Variants in NUP107 observed in about 807,000 individuals in gnomAD.
NUP107 encodes the protein nuclear pore complex protein Nup107.
Under a neutral mutation model 141.0 loss-of-function variants are expected in NUP107, and 101 were observed. The observed-to-expected ratio is 0.72, with a 90% CI of 0.61 to 0.84. The LOEUF (loss-of-function observed/expected upper bound fraction) is 0.84, where lower values mean the gene tolerates loss of function less well. Among genes scored for constraint, NUP107 ranks in the 40% least tolerant of loss-of-function variants. The probability of loss-of-function intolerance (pLI) is 0.00; values close to 1 mark genes in which losing one functional copy is unlikely to be tolerated. For synonymous variants in NUP107, 319 were observed against 363.9 expected (o/e 0.88, Z 1.41); for missense variants, 941 against 1,102.7 (o/e 0.85, Z 2.08).
chr12:68,736,762 G>A (rs1050252151), intron 26 of NUP107, among the ~76,000 whole-genome samples: 3 of 119,454 alleles, frequency 2.5e-5, no homozygotes, highest in African/African-American at 6.5e-5. Flanking sequence ...TGCTCTTGTC[G>A]CCCAGGCTGG....
At position 68,696,813 on chromosome 12, in the gene NUP107, T is replaced by G; in HGVS notation, c.449-6T>G. ...TATTCCTTTTTTTTTTTTTGATGTG[T>G]TCTAGCATCCATGAGTATGTTTTCT... On this transcript the variant is annotated splice_region_variant and splice_polypyrimidine_tract_variant and intron_variant, in intron 5 of 27. Coordinates refer to ENST00000229179, the MANE Select transcript of NUP107 (RefSeq NM_020401.4). 1 of 1,530,226 alleles carries G rather than the reference T, an allele frequency of 6.5e-7. No homozygotes were observed. Among genetic ancestry groups the G allele is most frequent in the Non-Finnish European group, 8.9e-7 (1 of 1,120,626 alleles). 94.8% of individuals were successfully genotyped at this position (1,530,226 alleles called of 1,614,324 possible).
At chr12:68,698,121 A>T (rs1184715036) in intron 6 of NUP107, among the ~76,000 whole-genome samples, 2 of 152,056 alleles carry the variant, frequency 1.3e-5, no homozygotes, top group African/African-American at 4.8e-5. Flanking sequence ...TACCTATTAG[A>T]ATGATGAAGA....
In NUP107 at chr12:68,733,454, T is replaced by G. The variant is rs1283895160; in HGVS notation, c.2104T>G (p.Ser702Ala). The change falls in exon 24 of 28, where the codon TCA becomes GCA. Residue 702 changes from serine (S) to alanine (A), a missense_variant and splice_region_variant. By Grantham distance (99) the Ser-to-Ala change is moderately conservative. Transcript: ENST00000229179. ...AAATTGTGTATCTTTTTTCACAGCA[T>G]CAAAAAAGCACGAAGCTGCAAAAGA... is the stretch of plus-strand genomic sequence containing the variant. The part of the protein sequence containing the change: ...GNAIMRKFLA[S>A]KKHEAAKEVF... 1 of 1,607,744 alleles carries G rather than the reference T, an allele frequency of 6.2e-7. No individual in the cohort carries two copies. Among genetic ancestry groups the G allele is most frequent in the South Asian group, 1.1e-5 (1 of 90,064 alleles).
intron 3 of NUP107, 178 bp downstream of exon 3, chr12:68,689,797 A>G: frequency 1.9e-6 from 1 of 519,350 alleles, no homozygotes; most frequent in Non-Finnish European, 3.4e-6. Flanking sequence ...ACTTTCCATA[A>G]ACACACGGTA....
chr12:68,706,127 C>A (rs1245272647), intron 8 of NUP107: 3 of 767,028 alleles, frequency 3.9e-6, no homozygotes, highest in South Asian at 1.3e-5. Flanking sequence ...GGAGGTGGAA[C>A]TTGATAACAT....
At chr12:68,705,362 T>C (rs1234411311) in intron 8 of NUP107, among the ~76,000 whole-genome samples, 3 of 152,052 alleles carry the variant, frequency 2.0e-5, no homozygotes, top group Admixed American at 6.6e-5. Flanking sequence ...GGTTTTATTA[T>C]GTTAGTTAGA....
intron 10 of NUP107, 103 bp from the exon 11 acceptor site, chr12:68,713,627 G>A: frequency 2.5e-6 from 2 of 802,698 alleles, no homozygotes; most frequent in Non-Finnish European, 4.1e-6. Flanking sequence ...TGTTTTTACT[G>A]GGATTGTAGT....
At chr12:68,691,815 C>G (rs889058908) in intron 4 of NUP107, among the ~76,000 whole-genome samples, 153 bp from the exon 5 acceptor site, 1 of 144,414 alleles carries the variant, frequency 6.9e-6, no homozygotes, top group African/African-American at 2.6e-5. Context: ...GCCTGGGCAA[C>G]AGATCCAGAC....
intron 4 of NUP107, 109 bp from the exon 5 acceptor site, chr12:68,691,859 C>T (rs1240901465): frequency 1.3e-5 from 11 of 818,098 alleles, no homozygotes; most frequent in South Asian, 2.4e-5. Flanking sequence ...AAAAAAAAGA[C>T]GCATACATAC....
intron 26 of NUP107, among the ~76,000 whole-genome samples, chr12:68,737,307 G>C (rs1399486963): frequency 1.3e-5 from 2 of 152,148 alleles, no homozygotes; most frequent in Admixed American, 1.3e-4. Context: ...GCTCACGCCT[G>C]TACTCCTAGC....
At chr12:68,737,792 G>A (rs573277495) in intron 26 of NUP107, among the ~76,000 whole-genome samples, 27 of 152,190 alleles carry the variant, frequency 1.8e-4, no homozygotes, top group African/African-American at 6.3e-4. Flanking sequence ...AGTCAATGAC[G>A]TAGGGCATTG....
At chr12:68,707,718 A>G (rs1201540592) in intron 8 of NUP107, among the ~76,000 whole-genome samples, 1 of 152,252 alleles carries the variant, frequency 6.6e-6, no homozygotes, top group Non-Finnish European at 1.5e-5. Flanking sequence ...TAGATATTAT[A>G]CATAATCTAG....
intron 20 of NUP107, among the ~76,000 whole-genome samples, chr12:68,730,192 C>T: frequency 7.2e-6 from 1 of 139,802 alleles, no homozygotes; most frequent in East Asian, 2.2e-4. Context: ...TCTCAAACTC[C>T]TGCCCTCAGG....
intron 10 of NUP107, among the ~76,000 whole-genome samples, chr12:68,710,709 A>G (rs1398567905): frequency 2.0e-5 from 3 of 151,980 alleles, no homozygotes; most frequent in Non-Finnish European, 4.4e-5. Flanking sequence ...AAAAATAACA[A>G]GATAAAAAAA....
At chr12:68,717,300 G>A (rs531192380) in intron 12 of NUP107, among the ~76,000 whole-genome samples, 54 of 152,280 alleles carry the variant, frequency 3.5e-4, no homozygotes, top group African/African-American at 1.2e-3. Context: ...CAGATAGTGA[G>A]TGTTTTGTAT....
intron 10 of NUP107, 77 bp downstream of exon 10, chr12:68,710,170 G>A: frequency 1.3e-6 from 1 of 772,124 alleles, no homozygotes; most frequent in South Asian, 1.5e-5. Context: ...GTATTATTCA[G>A]TTTTTACTTT....
Position 68,737,210 on chromosome 12 carries a change from C to G in NUP107, c.2502+1866C>G, listed in dbSNP as rs530862520. ...TATTTATACATACATCTTTGCTATT[C>G]TAATTATTAATTAAGTAGATTAGGT... On this transcript the variant is annotated intron_variant, in intron 26 of 27. Transcript: ENST00000229179. Among the ~76,000 whole-genome samples the G allele has an allele frequency of 1.2e-4, 18 of 152,218 alleles. No individual in the cohort carries two copies. The South Asian group carries it at 3.5e-3, about 30-fold the overall frequency.
chr12:68,697,714 T>C (rs962188381), intron 6 of NUP107, among the ~76,000 whole-genome samples: 2 of 151,954 alleles, frequency 1.3e-5, no homozygotes, highest in Non-Finnish European at 2.9e-5. Flanking sequence ...AAAGAAGATA[T>C]ACAGATGGCA....
intron 8 of NUP107, chr12:68,706,764 AG>A: frequency 2.6e-6 from 2 of 760,566 alleles, no homozygotes; most frequent in East Asian, 2.5e-5. Context: ...ATGAACTTCA[AG>A]CTGGCCTTGG....
Sources: allele counts gnomAD v4.1 joint callset (sites outside exome capture counted in the v4.1 genomes callset), GRCh38; gene constraint gnomAD v4.1.1; transcripts MANE v1.5; gene names NCBI Gene and HGNC (gene_info 2026-07-23, HGNC 2026-07-21).